The following TUBGCP3 variants were observed in gnomAD, a reference collection of about 807,000 sequenced individuals.
TUBGCP3 encodes gamma-tubulin complex component 3.
TUBGCP3 carries 50 observed loss-of-function variants against 123.1 expected under a neutral mutation model. The observed-to-expected ratio is 0.41, with a 90% CI of 0.32 to 0.51. The LOEUF (loss-of-function observed/expected upper bound fraction) is 0.51, where lower values mean the gene tolerates loss of function less well. Ranked by LOEUF, TUBGCP3 falls within the 20% of genes least tolerant of loss-of-function variation. TUBGCP3 has a pLI of 0.36. For synonymous variants in TUBGCP3, 405 were observed against 413.9 expected (o/e 0.98, Z 0.26); for missense variants, 882 against 1,127.0 (o/e 0.78, Z 3.11).
intron 1 of TUBGCP3, 116 bp downstream of exon 1, chr13:112,587,789 C>T: frequency 1.1e-6 from 1 of 927,688 alleles, no homozygotes; most frequent in Non-Finnish European, 1.5e-6. Context: ...CGTCCCCCAG[C>T]CCTCTGCCCG....
the TUBGCP3 span, among the ~76,000 whole-genome samples, chr13:112,596,125 G>A: frequency 3.3e-5 from 5 of 152,158 alleles, no homozygotes; most frequent in African/African-American, 9.7e-5. Context: ...TGAGAACCAC[G>A]CTAAATGGTG....
intron 1 of TUBGCP3, among the ~76,000 whole-genome samples, chr13:112,578,008 C>T (rs1269501153): frequency 6.6e-6 from 1 of 152,194 alleles, no homozygotes; most frequent in Non-Finnish European, 1.5e-5. Flanking sequence ...GAAGCTGAGG[C>T]AGGGCTTGCA....
At chr13:112,562,061 T>C (rs191878341) in intron 3 of TUBGCP3, among the ~76,000 whole-genome samples, 21 of 150,556 alleles carry the variant, frequency 1.4e-4, no homozygotes, top group East Asian at 1.4e-3. Flanking sequence ...CCAGCAACAC[T>C]ACCAGCCAGG....
chr13:112,562,531 T>C (rs184361368), intron 3 of TUBGCP3, among the ~76,000 whole-genome samples: 41 of 152,296 alleles, frequency 2.7e-4, no homozygotes, highest in Non-Finnish European at 2.6e-4. Context: ...AGACTCACCC[T>C]GGAGCTTAAG....
the TUBGCP3 span, among the ~76,000 whole-genome samples, chr13:112,601,065 G>A: frequency 2.0e-5 from 3 of 151,742 alleles, no homozygotes; most frequent in Admixed American, 6.6e-5. Flanking sequence ...GCGTTTGCCT[G>A]TAATCCCAGC....
At chr13:112,498,847 G>A (rs1880694716) in intron 20 of TUBGCP3, 198 bp downstream of exon 20, 2 of 1,598,148 alleles carry the variant, frequency 1.3e-6, no homozygotes, top group South Asian at 1.1e-5. Context: ...TTGTGAAACA[G>A]GATGATGATG....
intron 1 of TUBGCP3, among the ~76,000 whole-genome samples, chr13:112,571,084 A>C (rs956265428): frequency 6.6e-6 from 1 of 152,212 alleles, no homozygotes; most frequent in African/African-American, 2.4e-5. Context: ...AAAGTCATCC[A>C]TCATGGCTGG....
intron 17 of TUBGCP3, among the ~76,000 whole-genome samples, chr13:112,515,556 C>T (rs1876045599): frequency 6.6e-6 from 1 of 152,198 alleles, no homozygotes; most frequent in South Asian, 2.1e-4. Flanking sequence ...GCCCTCCTCC[C>T]GCCTCCCGTC....
chr13:112,557,241 T>C (rs1880119558), intron 5 of TUBGCP3, among the ~76,000 whole-genome samples: 1 of 152,238 alleles, frequency 6.6e-6, no homozygotes, highest in African/African-American at 2.4e-5. Flanking sequence ...CAATTGATTC[T>C]TTTAGCTGGA....
chr13:112,567,087 T>C (rs1881010222), intron 2 of TUBGCP3, among the ~76,000 whole-genome samples: 1 of 152,194 alleles, frequency 6.6e-6, no homozygotes, highest in Non-Finnish European at 1.5e-5. Context: ...GAAAGGACTA[T>C]AGGTGCTGAA....
chr13:112,556,210 G>C lies in TUBGCP3; in HGVS notation c.563C>G (p.Ala188Gly). The C allele has an allele frequency of 1.9e-6, 3 of 1,613,952 alleles. No homozygotes were observed. Among genetic ancestry groups the C allele is most frequent in the Non-Finnish European group, 1.7e-6 (2 of 1,179,880 alleles). ...TCGAAGGCAATCTCCTACTCCTGGA[G>C]CTTGATTAGACTGTCTAAAAAAAGA... ...QSLLPGQSNQ[A>G]PGVGDCLRQQ... is the part of the protein sequence containing the mutation. Residue 188 changes from alanine (A) to glycine (G), a missense_variant, in exon 6 of 22, where the codon GCT becomes GGT. By Grantham distance (60) the Ala-to-Gly change is moderately conservative. Around this residue, in one of 3 missense-constraint regions of TUBGCP3, gnomAD observed 713 missense variants for 874.0 expected, o/e 0.82. Transcript: ENST00000261965.
At chr13:112,534,725 G>A (rs1330835849) in intron 11 of TUBGCP3, among the ~76,000 whole-genome samples, 1 of 152,174 alleles carries the variant, frequency 6.6e-6, no homozygotes, top group Non-Finnish European at 1.5e-5. Context: ...AGCTACCGTA[G>A]CCGGCATCCC....
chr13:112,518,459 A>T (rs916857641), intron 16 of TUBGCP3, among the ~76,000 whole-genome samples: 1 of 152,226 alleles, frequency 6.6e-6, no homozygotes, highest in Non-Finnish European at 1.5e-5. Context: ...CACTAAAAAG[A>T]GGCATTTTAA....
chr13:112,521,173 A>G (rs1218847682), intron 14 of TUBGCP3, among the ~76,000 whole-genome samples: 1 of 152,210 alleles, frequency 6.6e-6, no homozygotes, highest in Non-Finnish European at 1.5e-5. Context: ...TTTCCCCTTT[A>G]AAAGCTCATC....
chr13:112,578,998 T>C (rs1005679714), intron 1 of TUBGCP3, among the ~76,000 whole-genome samples: 11 of 152,228 alleles, frequency 7.2e-5, no homozygotes, highest in African/African-American at 2.7e-4. Flanking sequence ...CCCATTTTTT[T>C]AGAAATTCAT....
intron 8 of TUBGCP3, among the ~76,000 whole-genome samples, chr13:112,549,625 T>C (rs1879384378): frequency 6.6e-6 from 1 of 152,162 alleles, no homozygotes; most frequent in Non-Finnish European, 1.5e-5. Flanking sequence ...CTAATTTTTG[T>C]TCTGTTTGCA....
intron 20 of TUBGCP3, 99 bp downstream of exon 20, chr13:112,498,946 A>G: frequency 6.2e-7 from 1 of 1,614,188 alleles, no homozygotes; most frequent in Non-Finnish European, 8.5e-7. Flanking sequence ...CCTGTCTGAC[A>G]ATTTTGGCAA....
At chr13:112,527,230 T>C in intron 12 of TUBGCP3, 144 bp downstream of exon 12, 1 of 716,114 alleles carries the variant, frequency 1.4e-6, no homozygotes, top group Non-Finnish European at 2.3e-6. Flanking sequence ...ACTGATGTAT[T>C]CAATTAACAT....
intron 17 of TUBGCP3, among the ~76,000 whole-genome samples, chr13:112,509,404 G>A (rs1015461112): frequency 6.6e-5 from 10 of 152,226 alleles, no homozygotes; most frequent in Admixed American, 1.3e-4. Flanking sequence ...GAAAGAATGC[G>A]TGATGTTGAC....
Sources: gnomAD v4.1 joint callset for allele counts (sites outside exome capture counted in the v4.1 genomes callset) on GRCh38, gnomAD v4.1.1 for gene constraint, gnomAD v4.1.1 regional missense constraint, MANE v1.5 for transcripts, NCBI Gene and HGNC (gene_info 2026-07-23, HGNC 2026-07-21) for gene names.